SYTL1: variants seen among roughly 807,000 people sequenced by gnomAD.
SYTL1 encodes synaptotagmin like 1.
A neutral mutation model predicts 74.6 loss-of-function variants in SYTL1; 53 were observed. The ratio of observed to expected loss-of-function variants is 0.71; its 90% CI spans 0.57 to 0.89. The LOEUF is 0.89. SYTL1 is among the 40% of genes least tolerant of loss of function. The pLI is 0.00. For synonymous variants in SYTL1, 329 were observed against 324.9 expected, an observed-to-expected ratio of 1.01 and a Z score of -0.14; for missense variants, 728 against 768.7, an observed-to-expected ratio of 0.95 and a Z score of 0.63.
rs2015281949 is a variant in SYTL1, at chr1:27,351,593, G to T, written c.1343+38G>T. The T allele has an allele frequency of 1.5e-6, 2 of 1,370,606 alleles. No individual in the cohort carries two copies. Among genetic ancestry groups the T allele is most frequent in the African/African-American group, 1.5e-5 (1 of 68,228 alleles). 84.9% of individuals were successfully genotyped at this position (1,370,606 alleles called of 1,614,324 possible). ...GGCCCTCCGGGCTTCCCATTCTTTT[G>T]CCTGCAGTGGAGTGCCCAACCTCCA... On this transcript the variant is annotated intron_variant, in intron 13 of 14. Transcript: ENST00000616558. The surrounding 1 kb of genome is among the most constrained non-coding windows in gnomAD (Gnocchi z 5.0).
intron 13 of SYTL1, 41 bp from the exon 14 acceptor site, chr1:27,353,242 T>C (rs763698613): frequency 2.6e-6 from 4 of 1,547,928 alleles, no homozygotes; most frequent in Non-Finnish European, 3.5e-6. Flanking sequence ...CTCTAGGGAG[T>C]GTGAGGGGGG....
rs745787134 is a variant in SYTL1, at chr1:27,350,212, C to T, written c.908+80C>T. ...CACAGGGTCTCGGCCTCCTCGTCCTCATCTTCAAAATGGGAACAACAGCGT... is the reference window on the plus strand; with the variant it reads ...CACAGGGTCTCGGCCTCCTCGTCCTTATCTTCAAAATGGGAACAACAGCGT... On this transcript the variant is annotated intron_variant, in intron 9 of 14. Coordinates refer to ENST00000616558, the MANE Select transcript of SYTL1 (RefSeq NM_001193308.2). This position sits in a 1 kb window ranked among gnomAD's most constrained non-coding sequence, Gnocchi z 6.3. The T allele has an allele frequency of 6.7e-6, 10 of 1,483,254 alleles. No homozygotes were observed. The highest frequency in any genetic ancestry group is 9.1e-6 in the Non-Finnish European group (10 of 1,099,330). The allele number at this position is 1,483,254 out of a possible 1,614,324, so 91.9% of individuals were successfully genotyped here.
chr1:27,351,029 C>A lies in SYTL1; in HGVS notation c.1164+77C>A. 1 of 1,530,252 alleles carries A rather than the reference C, an allele frequency of 6.5e-7. No individual in the cohort carries two copies. Among genetic ancestry groups the A allele is most frequent in the Non-Finnish European group, 8.9e-7 (1 of 1,122,112 alleles). The allele number at this position is 1,530,252 out of a possible 1,614,324, so 94.8% of individuals were successfully genotyped here. A position where few individuals can be genotyped will look rare whatever the true frequency, so the allele number is the denominator to read the frequency against. The stretch of plus-strand genomic sequence containing the variant: ...TACCCCACCAGGCTCTCCCGCAGCC[C>A]CCTCACACCCCGCCTTCGACAGAAC... On this transcript the variant is annotated intron_variant, in intron 11 of 14. Transcript: ENST00000616558. This position sits in a 1 kb window ranked among gnomAD's most constrained non-coding sequence, Gnocchi z 5.0.
chr1:27,344,734 C>T (rs1406289876), intron 1 of SYTL1: 1 of 150,926 alleles, frequency 6.6e-6, no homozygotes, highest in East Asian at 2.0e-4. Flanking sequence ...CCTATAATCC[C>T]AGCTACTCAG....
chr1:27,349,537 A>G (rs1364906564), intron 7 of SYTL1, 39 bp downstream of exon 7: 2 of 1,446,276 alleles, frequency 1.4e-6, no homozygotes, highest in South Asian at 1.4e-5. Context: ...CAACATCCGG[A>G]GCGGACTCCG....
Position 27,348,042 on chromosome 1 carries a change from G to A in SYTL1, c.459+30G>A, listed in dbSNP as rs574250367. The A allele has an allele frequency of 1.2e-6, 2 of 1,611,322 alleles. No homozygotes were observed. Among genetic ancestry groups the A allele is most frequent in the African/African-American group, 2.7e-5 (2 of 74,944 alleles). On this transcript the variant is annotated intron_variant, in intron 5 of 14. Coordinates refer to ENST00000616558, the MANE Select transcript of SYTL1 (RefSeq NM_001193308.2). This position sits in a 1 kb window ranked among gnomAD's most constrained non-coding sequence, Gnocchi z 4.1. ...GTGAATGAGCCAACATGTGAGTACA[G>A]TGTCCCTGGAGGGGAGGTGGAATGT...
rs202234814 is a variant in SYTL1, at chr1:27,347,982, G to A, written c.429G>A (p.Glu143=). 4.3e-6 allele frequency: 7 copies of A among 1,614,178 alleles called. No homozygotes were observed. Among genetic ancestry groups the A allele is most frequent in the Non-Finnish European group, 5.1e-6 (6 of 1,180,010 alleles). Reference sequence around the variant, plus strand: ...CTACTCCTAGGCTCACCATTGATGAGGCCCCTCAGGAGAGGCTCAGGGAGA... The same window carrying A: ...CTACTCCTAGGCTCACCATTGATGAAGCCCCTCAGGAGAGGCTCAGGGAGA... ...EGPEPRLTID[E]APQERLRETE... is the part of the protein sequence containing the mutation. Residue 143 remains glutamate (E), a synonymous_variant, in exon 5 of 15, where the codon GAG becomes GAA. Transcript: ENST00000616558. The surrounding 1 kb of genome is among the most constrained non-coding windows in gnomAD (Gnocchi z 4.9).
At position 27,347,801 on chromosome 1, in the gene SYTL1, C is replaced by A. The variant is rs755360512; in HGVS notation, c.341-7C>A. ...GGGGGCTCACAGAACTTCTCACCTG[C>A]GCCCAGGAGACCAGGCTCCAGGCCA... On this transcript the variant is annotated splice_polypyrimidine_tract_variant and splice_region_variant and intron_variant, in intron 3 of 14. Transcript: ENST00000616558. The surrounding 1 kb of genome is among the most constrained non-coding windows in gnomAD (Gnocchi z 4.9). The A allele has an allele frequency of 6.2e-7, 1 of 1,611,700 alleles. No individual in the cohort carries two copies. Among genetic ancestry groups the A allele is most frequent in the Admixed American group, 1.7e-5 (1 of 59,830 alleles).
In SYTL1 at chr1:27,353,927, G is replaced by T; in HGVS notation, c.*75G>T. On this transcript the variant is annotated 3_prime_UTR_variant, in exon 15 of 15. Transcript: ENST00000616558. ...CTAAAGTCAATAAAGTCTATTCTAA[G>T]AGCAATAAAAGGCTGGTGTCTGCTG... is the stretch of plus-strand genomic sequence containing the variant. 7.1e-7 allele frequency: 1 copy of T among 1,415,648 alleles called. No individual in the cohort carries two copies. The highest frequency in any genetic ancestry group is 1.3e-5 in the South Asian group (1 of 79,000). The allele number at this position is 1,415,648 out of a possible 1,614,324, so 87.7% of individuals were successfully genotyped here.
At chr1:27,349,212 A>C in intron 6 of SYTL1, 60 bp downstream of exon 6, 2 of 1,570,570 alleles carry the variant, frequency 1.3e-6, no homozygotes, top group Admixed American at 1.7e-5. Flanking sequence ...GGCAGCTCTA[A>C]GGGGCCCCAA....
chr1:27,351,388 C>T lies in SYTL1; in HGVS notation c.1243+52C>T. ...TGGACACGCCCTGAAAAGCGGGAGA[C>T]TCCAGTCCCCGGGTTTGGGGGCGGT... On this transcript the variant is annotated intron_variant, in intron 12 of 14. Transcript: ENST00000616558. The surrounding 1 kb of genome is among the most constrained non-coding windows in gnomAD (Gnocchi z 5.0). The T allele has an allele frequency of 1.3e-6, 2 of 1,508,364 alleles. No homozygotes were observed. 93.4% of individuals were successfully genotyped at this position (1,508,364 alleles called of 1,614,324 possible). A position where few individuals can be genotyped will look rare whatever the true frequency, so the allele number is the denominator to read the frequency against.
Position 27,345,148 on chromosome 1 carries a change from G to A in SYTL1, c.-38-149G>A, listed in dbSNP as rs989866704. On this transcript the variant is annotated intron_variant, in intron 1 of 14. Coordinates refer to ENST00000616558, the MANE Select transcript of SYTL1 (RefSeq NM_001193308.2). The surrounding 1 kb of genome is among the most constrained non-coding windows in gnomAD (Gnocchi z 6.0). ...AGGGCTAGTGTATGCATGTGTGCAT[G>A]AGTGTCTCTCACCCCACCTTGAGCT... is the stretch of plus-strand genomic sequence containing the variant. The A allele has an allele frequency of 3.8e-6, 2 of 520,434 alleles. No homozygotes were observed. The highest frequency in any genetic ancestry group is 3.9e-5 in the African/African-American group (2 of 50,726). 32.2% of individuals were successfully genotyped at this position (520,434 alleles called of 1,614,324 possible).
Position 27,347,550 on chromosome 1 carries a change from C to T in SYTL1, c.321C>T (p.Arg107=). The T allele has an allele frequency of 6.2e-7, 1 of 1,614,020 alleles. No individual in the cohort carries two copies. Among genetic ancestry groups the T allele is most frequent in the Non-Finnish European group, 8.5e-7 (1 of 1,180,022 alleles). The part of the protein sequence containing the change: ...FGSDLVRASM[R]RKKSTRGDQA... ...CTGACCTTGTCCGAGCGTCTATGCG[C>T]AGGAAGAAGAGCACCAGGGGTGAGA... is the stretch of plus-strand genomic sequence containing the variant. Residue 107 remains arginine (R), a synonymous_variant, in exon 3 of 15, where the codon CGC becomes CGT. Transcript: ENST00000616558. The surrounding 1 kb of genome is among the most constrained non-coding windows in gnomAD (Gnocchi z 4.9).
intron 8 of SYTL1, 56 bp from the exon 9 acceptor site, chr1:27,349,916 C>A (rs1172936267): frequency 1.3e-6 from 2 of 1,550,432 alleles, no homozygotes; most frequent in Non-Finnish European, 1.7e-6. Context: ...GCGCTGCCCG[C>A]GGCCCCGACG....
chr1:27,345,614 G>A lies in SYTL1; in HGVS notation c.191+89G>A. 1 of 914,514 alleles carries A rather than the reference G, an allele frequency of 1.1e-6. No individual in the cohort carries two copies. The highest frequency in any genetic ancestry group is 2.9e-5 in the East Asian group (1 of 34,892). The allele number at this position is 914,514 out of a possible 1,614,324, so 56.6% of individuals were successfully genotyped here. On this transcript the variant is annotated intron_variant, in intron 2 of 14. Transcript: ENST00000616558. This position sits in a 1 kb window ranked among gnomAD's most constrained non-coding sequence, Gnocchi z 6.0. ...CTACCGACACCACTGCCTGTCAGAT[G>A]TCTGCGTGGTTCTTGGTTTTGCCCT...
At position 27,350,474 on chromosome 1, in the gene SYTL1, G is replaced by A; in HGVS notation, c.994G>A (p.Glu332Lys). The change falls in exon 10 of 15, where the codon GAG becomes AAG. Residue 332 changes from glutamate to lysine, a missense_variant. By Grantham distance (56) the Glu-to-Lys change is moderately conservative. Transcript: ENST00000616558. This position sits in a 1 kb window ranked among gnomAD's most constrained non-coding sequence, Gnocchi z 6.3. Reference protein sequence around the residue: ...KKRNLNPVFNETLRYSVPQAE... With the variant: ...KKRNLNPVFNKTLRYSVPQAE... ...ACGGAATCTGAATCCGGTTTTCAAC[G>A]AGACTCTCCGGGTGAGGCTGTGACC... The A allele has an allele frequency of 6.2e-7, 1 of 1,613,122 alleles. No individual in the cohort carries two copies. The highest frequency in any genetic ancestry group is 8.5e-7 in the Non-Finnish European group (1 of 1,179,544).
Position 27,348,941 on chromosome 1 carries a change from C to T in SYTL1, c.460-139C>T, listed in dbSNP as rs1468742618. 3.0e-6 allele frequency: 2 copies of T among 664,546 alleles called. No homozygotes were observed. Among genetic ancestry groups the T allele is most frequent in the Non-Finnish European group, 5.2e-6 (2 of 386,468 alleles). 41.2% of individuals were successfully genotyped at this position (664,546 alleles called of 1,614,324 possible). A position where few individuals can be genotyped will look rare whatever the true frequency, so the allele number is the denominator to read the frequency against. ...GTCTCACCGCTCCTGCAGCTGGCTG[C>T]CAGCCCTGCCCGGAGGGCTGCCCTA... On this transcript the variant is annotated intron_variant, in intron 5 of 14. Coordinates refer to ENST00000616558, the MANE Select transcript of SYTL1 (RefSeq NM_001193308.2). This position sits in a 1 kb window ranked among gnomAD's most constrained non-coding sequence, Gnocchi z 4.1.
chr1:27,342,077 C>G lies in SYTL1; in HGVS notation c.-112C>G, dbSNP rs1571023075. 1.3e-5 allele frequency: 2 copies of G among 152,366 alleles called. No individual in the cohort carries two copies. Among genetic ancestry groups the G allele is most frequent in the South Asian group, 2.1e-4 (1 of 4,836 alleles). The allele number at this position is 152,366 out of a possible 1,614,324, so 9.4% of individuals were successfully genotyped here. A position where few individuals can be genotyped will look rare whatever the true frequency, so the allele number is the denominator to read the frequency against. ...CCTTCTTCCCTCACGGCTCTTCTCC[C>G]GGTCCCTGAAACTCGGCTGCCAGGG... On this transcript the variant is annotated 5_prime_UTR_variant, in exon 1 of 15. Coordinates refer to ENST00000616558, the MANE Select transcript of SYTL1 (RefSeq NM_001193308.2). The surrounding 1 kb of genome is among the most constrained non-coding windows in gnomAD (Gnocchi z 4.7).
rs909348624 is a variant in SYTL1, at chr1:27,342,439, G to T, written c.-39+289G>T. On this transcript the variant is annotated intron_variant, in intron 1 of 14. Transcript: ENST00000616558. The surrounding 1 kb of genome is among the most constrained non-coding windows in gnomAD (Gnocchi z 4.7). ...GGGGCACTGCTGAGGACGCTGGGCT[G>T]ATGCCCATGGCCCAGCTCAGGCAGG... 14 of 606,718 alleles carry T rather than the reference G, an allele frequency of 2.3e-5. No homozygotes were observed. The highest frequency in any genetic ancestry group is 2.7e-5 in the Non-Finnish European group (13 of 484,224). 37.6% of individuals were successfully genotyped at this position (606,718 alleles called of 1,614,324 possible).
Sources: gnomAD v4.1 joint callset for allele counts on GRCh38, gnomAD v4.1.1 for gene constraint, Gnocchi (gnomAD v3.1) non-coding constraint, MANE v1.5 for transcripts, NCBI Gene and HGNC (gene_info 2026-07-23, HGNC 2026-07-21) for gene names.